Variants in KCNJ3 observed in about 807,000 individuals in gnomAD.
KCNJ3 encodes the protein G protein-activated inward rectifier potassium channel 1.
Under a neutral mutation model 39.2 loss-of-function variants are expected in KCNJ3, and 4 were observed. That is an observed-to-expected ratio of 0.10 (90% CI 0.05 to 0.23). The LOEUF is 0.23. KCNJ3 is among the 10% of genes least tolerant of loss of function. KCNJ3 has a pLI of 1.00. For missense variants in KCNJ3, 276 were observed against 634.9 expected (o/e 0.43, Z 6.08); for synonymous variants, 230 against 237.4 (o/e 0.97, Z 0.29).
At chr2:154,848,248 A>ACTT in intron 2 of KCNJ3, among the ~76,000 whole-genome samples, 1 of 152,150 alleles carries the variant, frequency 6.6e-6, no homozygotes, top group Middle Eastern at 3.2e-3. Flanking sequence ...TGAGTTCTGG[A>ACTT]CTTAGCTTTG....
At chr2:154,834,411 T>TATTA (rs1469980189) in intron 2 of KCNJ3, among the ~76,000 whole-genome samples, 3 of 152,140 alleles carry the variant, frequency 2.0e-5, no homozygotes, top group Non-Finnish European at 4.4e-5. Context: ...AAAAATAAAA[T>TATTA]ATTAATTATA....
At chr2:154,762,877 A>G (rs1357047700) in intron 2 of KCNJ3, among the ~76,000 whole-genome samples, 1 of 152,194 alleles carries the variant, frequency 6.6e-6, no homozygotes, top group Non-Finnish European at 1.5e-5. Context: ...GCTTTAAGCT[A>G]CTTGGACTAG....
chr2:154,833,791 A>G (rs566186838), intron 2 of KCNJ3, among the ~76,000 whole-genome samples: 1 of 152,278 alleles, frequency 6.6e-6, no homozygotes, highest in African/African-American at 2.4e-5. Context: ...ATAATACAGG[A>G]TGTAGCCTTT....
At chr2:154,804,709 A>G (rs1686880950) in intron 2 of KCNJ3, among the ~76,000 whole-genome samples, 1 of 152,134 alleles carries the variant, frequency 6.6e-6, no homozygotes, top group South Asian at 2.1e-4. Flanking sequence ...AGACAGAGAG[A>G]GTTAAGGAGC....
chr2:154,740,403 G>A (rs975202870), intron 2 of KCNJ3, among the ~76,000 whole-genome samples: 5 of 152,066 alleles, frequency 3.3e-5, no homozygotes, highest in East Asian at 1.9e-4. Context: ...TTTTAGTAGC[G>A]TAACTATTTA....
In KCNJ3 at chr2:154,712,341, A is replaced by T. The variant is rs117839128; in HGVS notation, c.919+2522A>T. 5.4e-4 allele frequency among the ~76,000 whole-genome samples: 82 copies of T among 152,308 alleles called. No individual in the cohort carries two copies. The East Asian group carries it at 0.012, about 22-fold the overall frequency. On this transcript the variant is annotated intron_variant, in intron 2 of 2. Coordinates refer to ENST00000295101, the MANE Select transcript of KCNJ3 (RefSeq NM_002239.4). ...TGAACTTTACTTTCTCATAATACGT[A>T]TTGCCTAGAACAAGACAAATATGAT...
intron 2 of KCNJ3, among the ~76,000 whole-genome samples, chr2:154,809,859 G>C (rs181799333): frequency 6.6e-6 from 1 of 151,084 alleles, no homozygotes; most frequent in African/African-American, 2.4e-5. Context: ...TTTACATATT[G>C]TATATGAAAT....
intron 2 of KCNJ3, among the ~76,000 whole-genome samples, chr2:154,790,087 G>A (rs560979005): frequency 2.0e-5 from 3 of 152,000 alleles, no homozygotes; most frequent in Admixed American, 6.6e-5. Flanking sequence ...GACATTGGGG[G>A]GCATGATCTT....
chr2:154,753,153 A>G (rs1685877872), intron 2 of KCNJ3, among the ~76,000 whole-genome samples: 1 of 152,096 alleles, frequency 6.6e-6, no homozygotes, highest in South Asian at 2.1e-4. Flanking sequence ...AGTGATTAAA[A>G]TATTTCATTG....
chr2:154,809,620 C>T (rs62170824), intron 2 of KCNJ3, among the ~76,000 whole-genome samples: 30,323 of 152,020 alleles, frequency 0.2, 4,050 homozygotes, highest in Non-Finnish European at 0.29. Context: ...CTTTATTTAC[C>T]GGTTTTCTAT....
At chr2:154,773,828 T>C (rs1421593033) in intron 2 of KCNJ3, among the ~76,000 whole-genome samples, 4 of 152,168 alleles carry the variant, frequency 2.6e-5, no homozygotes, top group African/African-American at 4.8e-5. Context: ...GTAGTCATTA[T>C]GAGATGTTAA....
intron 2 of KCNJ3, among the ~76,000 whole-genome samples, chr2:154,788,151 C>G (rs1686566821): frequency 1.3e-5 from 2 of 152,056 alleles, no homozygotes; most frequent in Non-Finnish European, 2.9e-5. Flanking sequence ...AGGAGGCCAT[C>G]AGAGAGAGTG....
At chr2:154,806,650 C>T (rs868230995) in intron 2 of KCNJ3, among the ~76,000 whole-genome samples, 1 of 152,092 alleles carries the variant, frequency 6.6e-6, no homozygotes, top group East Asian at 1.9e-4. Flanking sequence ...CACTTTGTGG[C>T]CCTACATATT....
chr2:154,791,526 A>G (rs1302894469), intron 2 of KCNJ3, among the ~76,000 whole-genome samples: 3 of 152,066 alleles, frequency 2.0e-5, no homozygotes, highest in Non-Finnish European at 4.4e-5. Flanking sequence ...GCAAGGCCAG[A>G]TTTTGAAGCT....
intron 2 of KCNJ3, among the ~76,000 whole-genome samples, chr2:154,768,809 C>G (rs537561537): frequency 1.6e-4 from 24 of 152,312 alleles, no homozygotes; most frequent in Admixed American, 1.5e-3. Context: ...TTGATTCTTC[C>G]TATCCATGAG....
At chr2:154,772,651 G>T (rs561871538) in intron 2 of KCNJ3, among the ~76,000 whole-genome samples, 3 of 152,238 alleles carry the variant, frequency 2.0e-5, no homozygotes, top group Non-Finnish European at 2.9e-5. Flanking sequence ...ACTGTGTAAT[G>T]AATGAATGTT....
intron 1 of KCNJ3, among the ~76,000 whole-genome samples, chr2:154,701,392 C>T (rs1684893967): frequency 6.6e-6 from 1 of 151,572 alleles, no homozygotes; most frequent in Non-Finnish European, 1.5e-5. Flanking sequence ...CTTTTCCAGA[C>T]AACATATTTT....
In KCNJ3 at chr2:154,699,105, C is replaced by A. The variant is rs1475320162; in HGVS notation, c.330C>A (p.Gly110=). 2 of 1,614,234 alleles carry A rather than the reference C, an allele frequency of 1.2e-6. No individual in the cohort carries two copies. The highest frequency in any genetic ancestry group is 1.1e-5 in the South Asian group (1 of 91,086). Residue 110 remains glycine, a synonymous_variant, in exon 1 of 3, where the codon GGC becomes GGA. Coordinates refer to ENST00000295101, the MANE Select transcript of KCNJ3 (RefSeq NM_002239.4). This position sits in a 1 kb window ranked among gnomAD's most constrained non-coding sequence, Gnocchi z 6.4. ...SMWWVIAYTR[G]DLNKAHVGNY... ...GGTGGGTGATCGCCTACACTCGGGG[C>A]GACCTGAACAAAGCCCACGTCGGTA...
intron 2 of KCNJ3, among the ~76,000 whole-genome samples, chr2:154,850,469 C>A (rs1687740340): frequency 1.3e-5 from 2 of 151,910 alleles, no homozygotes; most frequent in African/African-American, 4.8e-5. Context: ...ATAACTTTTG[C>A]AAAAAGAAGT....
Sources: gnomAD v4.1 joint callset for allele counts (sites outside exome capture counted in the v4.1 genomes callset) on GRCh38, gnomAD v4.1.1 for gene constraint, Gnocchi (gnomAD v3.1) non-coding constraint, MANE v1.5 for transcripts, NCBI Gene and HGNC (gene_info 2026-07-23, HGNC 2026-07-21) for gene names.